The following INF2 variants were observed in gnomAD, a reference collection of about 807,000 sequenced individuals.
INF2 encodes inverted formin-2.
A neutral mutation model predicts 123.5 loss-of-function variants in INF2; 43 were observed. The observed-to-expected ratio is 0.35, with a 90% CI of 0.27 to 0.45. INF2 has a LOEUF of 0.45. Among genes scored for constraint, INF2 ranks in the 20% least tolerant of loss-of-function variants. INF2 has a pLI of 1.00. For synonymous variants in INF2, 851 were observed against 745.0 expected (o/e 1.14, Z -2.32); for missense variants, 1,453 against 1,682.7 (o/e 0.86, Z 2.39).
chr14:104,681,616 G>A (rs1344869267), intron 1 of INF2: 1 of 1,287,748 alleles, frequency 7.8e-7, no homozygotes, highest in Non-Finnish European at 1.0e-6. Flanking sequence ...CCAAGCTGGG[G>A]TAGCCGAGAA....
intron 20 of INF2, 145 bp from the exon 21 acceptor site, chr14:104,714,058 G>A (rs997976886): frequency 8.8e-5 from 62 of 702,796 alleles, no homozygotes; most frequent in Non-Finnish European, 1.2e-4. Context: ...CGCTGAGGCC[G>A]GGTCCTGCTC....
In INF2 at chr14:104,684,157, C is replaced by T. The variant is rs772059126; in HGVS notation, c.-104+2575C>T. On this transcript the variant is annotated intron_variant, in intron 1 of 2. Coordinates refer to the INF2 transcript ENST00000674723. The surrounding 1 kb of genome is among the most constrained non-coding windows in gnomAD (Gnocchi z 5.0). ...CTCTCCCCATCATGCAAGTAACCTG[C>T]GTGCCGCCACGGGAAACAGCACGCA... 2.2e-6 allele frequency: 1 copy of T among 455,754 alleles called. No homozygotes were observed. The highest frequency in any genetic ancestry group is 1.6e-5 in the South Asian group (1 of 64,504). 28.2% of individuals were successfully genotyped at this position (455,754 alleles called of 1,614,324 possible). A position where few individuals can be genotyped will look rare whatever the true frequency, so the allele number is the denominator to read the frequency against.
At chr14:104,716,022 G>T (rs1376188162) in intron 22 of INF2, 5 of 450,210 alleles carry the variant, frequency 1.1e-5, no homozygotes, top group Non-Finnish European at 2.2e-5. Flanking sequence ...AGCCAGGTCC[G>T]TCCACAGGGC....
In INF2 at chr14:104,706,093, G is replaced by A. The variant is rs1595169407; in HGVS notation, c.760G>A (p.Glu254Lys). ...GGAGGCTTTCGAGGAGGCTAAGGCC[G>A]AGGACGAGGAGGAGCTGCTGCGAGT... ...QLEAFEEAKA[E>K]DEEELLRVSG... The change falls in exon 6 of 23, where the codon GAG (glutamate) becomes AAG (lysine). Residue 254 changes from glutamate to lysine, a missense_variant. Transcript: ENST00000392634. 4 of 1,612,542 alleles carry A rather than the reference G, an allele frequency of 2.5e-6. No individual in the cohort carries two copies. The highest frequency in any genetic ancestry group is 3.4e-6 in the Non-Finnish European group (4 of 1,179,694).
At chr14:104,714,932 T>C in intron 21 of INF2, 76 bp downstream of exon 21, 1 of 1,401,254 alleles carries the variant, frequency 7.1e-7, no homozygotes, top group Non-Finnish European at 9.4e-7. Flanking sequence ...CCTTCCCCAT[T>C]GGGCACTGCA....
intron 12 of INF2, 71 bp from the exon 13 acceptor site, chr14:104,710,017 G>T: frequency 7.6e-7 from 1 of 1,309,778 alleles, no homozygotes. Flanking sequence ...CCAGAGCCCT[G>T]TGCTGAGTGC....
Position 104,699,520 on chromosome 14 carries a change from C to T in INF2, c.-9-1837C>T. 1.0e-6 allele frequency: 1 copy of T among 985,236 alleles called. No homozygotes were observed. The allele number at this position is 985,236 out of a possible 1,614,324, so 61.0% of individuals were successfully genotyped here. A position where few individuals can be genotyped will look rare whatever the true frequency, so the allele number is the denominator to read the frequency against. On this transcript the variant is annotated intron_variant, in intron 1 of 22. Coordinates refer to ENST00000392634, the MANE Select transcript of INF2 (RefSeq NM_022489.4). The surrounding 1 kb of genome is among the most constrained non-coding windows in gnomAD (Gnocchi z 4.7). ...CTCAGCGGTCAGCAGCGATGAGAAG[C>T]CAGGGGAGCGTGAGGAGCAGCCCAG...
intron 13 of INF2, chr14:104,710,606 C>G: frequency 1.9e-6 from 1 of 515,060 alleles, no homozygotes; most frequent in Non-Finnish European, 3.5e-6. Flanking sequence ...CACACCCTCA[C>G]ATACATGTAC....
At chr14:104,697,355 T>A (rs556943889) in intron 1 of INF2, among the ~76,000 whole-genome samples, 3 of 152,204 alleles carry the variant, frequency 2.0e-5, no homozygotes, top group Non-Finnish European at 4.4e-5. Context: ...ACCCTAACCC[T>A]GGCCTGTGTG....
chr14:104,712,796 C>G (rs767401154), intron 17 of INF2, 32 bp from the exon 18 acceptor site: 12 of 1,584,850 alleles, frequency 7.6e-6, no homozygotes, highest in South Asian at 6.8e-5. Context: ...GCGCGGGGCT[C>G]TCACGGGACT....
intron 22 of INF2, chr14:104,715,973 C>T (rs1295902207): frequency 2.2e-6 from 1 of 455,886 alleles, no homozygotes; most frequent in Non-Finnish European, 4.4e-6. Flanking sequence ...ACCCCCCGCA[C>T]ACCGAGTCTT....
In INF2 at chr14:104,694,353, T is replaced by C. The variant is rs562009094; in HGVS notation, c.-10+4614T>C. 9.2e-5 allele frequency among the ~76,000 whole-genome samples: 14 copies of C among 152,340 alleles called. No individual in the cohort carries two copies. In the East Asian group the frequency reaches 2.7e-3, roughly 29 times the overall value. The stretch of plus-strand genomic sequence containing the variant: ...GCATGTTGCACCCACGCTGAGGATC[T>C]TGTTTGCCCAGTTGGGCCTGACGGG... On this transcript the variant is annotated intron_variant, in intron 1 of 22. Coordinates refer to ENST00000392634, the MANE Select transcript of INF2 (RefSeq NM_022489.4).
intron 1 of INF2, chr14:104,691,090 G>A (rs943241260): frequency 1.3e-5 from 2 of 152,278 alleles, no homozygotes; most frequent in Non-Finnish European, 1.5e-5. Context: ...AAGTGGCCAG[G>A]TGCGACTGTA....
rs148313070 is a variant in INF2, at chr14:104,694,673, C to T, written c.-10+4934C>T. ...GCCCAGTCTCACCCTGAATCAGAGC[C>T]GTCCCCCACCCTGGGCCCTGGTAGC... On this transcript the variant is annotated intron_variant, in intron 1 of 22. Transcript: ENST00000392634. 8.0e-3 allele frequency among the ~76,000 whole-genome samples: 1,217 copies of T among 152,294 alleles called. 21 individuals carry two copies. The highest frequency in any genetic ancestry group is 0.028 in the African/African-American group (1,157 of 41,542).
chr14:104,714,342 C>T lies in INF2; in HGVS notation c.3180C>T (p.Thr1060=), dbSNP rs1322608404. ...CCGTGACCCCCGGCCCTCAGCCCAC[C>T]CTGGAGCAGTTGGAGGAGGGTGGTC... ...VDAVTPGPQP[T]LEQLEEGGPR... The change falls in exon 21 of 23, where the codon ACC becomes ACT. Residue 1060 remains threonine (T), a synonymous_variant. Coordinates refer to ENST00000392634, the MANE Select transcript of INF2 (RefSeq NM_022489.4). 6.3e-7 allele frequency: 1 copy of T among 1,595,034 alleles called. No individual in the cohort carries two copies. Among genetic ancestry groups the T allele is most frequent in the Non-Finnish European group, 8.5e-7 (1 of 1,171,560 alleles).
In INF2 at chr14:104,703,949, G is replaced by A. The variant is rs1473650949; in HGVS notation, c.701G>A (p.Arg234Gln). The change falls in exon 5 of 23, where the codon CGA (arginine) becomes CAA (glutamine). Residue 234 changes from arginine to glutamine, a missense_variant and splice_region_variant. Transcript: ENST00000392634. ...CTGCTGGACGTCCTGGCTCGCCTGCGGTGAGTCCCCACTGTAGCGGTCCTG... is the reference window on the plus strand; with the variant it reads ...CTGCTGGACGTCCTGGCTCGCCTGCAGTGAGTCCCCACTGTAGCGGTCCTG... ...LQLLDVLARL[R>Q]DLEDADLLIQ... 2.5e-6 allele frequency: 4 copies of A among 1,610,152 alleles called. No homozygotes were observed. The highest frequency in any genetic ancestry group is 1.3e-5 in the African/African-American group (1 of 75,022).
chr14:104,715,136 G>A, intron 21 of INF2, 148 bp from the exon 22 acceptor site: 1 of 826,572 alleles, frequency 1.2e-6, no homozygotes, highest in Non-Finnish European at 2.0e-6. Context: ...CAGGCAAGTG[G>A]CTGCCATGTG....
chr14:104,681,648 G>A, intron 1 of INF2: 1 of 1,240,914 alleles, frequency 8.1e-7, no homozygotes, highest in Non-Finnish European at 1.1e-6. Context: ...CACGGGGGCG[G>A]AGAGGTGGCT....
chr14:104,692,875 G>C (rs554696623), intron 1 of INF2, among the ~76,000 whole-genome samples: 1 of 152,328 alleles, frequency 6.6e-6, no homozygotes, highest in African/African-American at 2.4e-5. Flanking sequence ...GGGAGGGAGA[G>C]AGAGGTACCA....
Sources: gnomAD v4.1 joint callset for allele counts (sites outside exome capture counted in the v4.1 genomes callset) on GRCh38, gnomAD v4.1.1 for gene constraint, Gnocchi (gnomAD v3.1) non-coding constraint, MANE v1.5 for transcripts, NCBI Gene and HGNC (gene_info 2026-07-23, HGNC 2026-07-21) for gene names.